DYNC2H1: variants seen among roughly 807,000 people sequenced by gnomAD.
The protein encoded by DYNC2H1 is cytoplasmic dynein 2 heavy chain 1.
In DYNC2H1, 410 loss-of-function variants were observed where a neutral mutation model predicts 570.0. That is an observed-to-expected ratio of 0.72 (90% CI 0.66 to 0.78). DYNC2H1 has a LOEUF of 0.78. DYNC2H1 is among the 30% of genes least tolerant of loss of function. The pLI, the probability that DYNC2H1 is intolerant of heterozygous loss-of-function variation, is 0.00. For missense variants in DYNC2H1, 4,865 were observed against 5,046.4 expected (o/e 0.96, Z 1.09); for synonymous variants, 1,688 against 1,677.6 (o/e 1.01, Z -0.15).
intron 85 of DYNC2H1, among the ~76,000 whole-genome samples, chr11:103,453,197 C>T (rs1193867932): frequency 6.6e-6 from 1 of 152,000 alleles, no homozygotes; most frequent in Non-Finnish European, 1.5e-5. Flanking sequence ...TTAAAAGGGG[C>T]ATAGCCCATA....
intron 34 of DYNC2H1, among the ~76,000 whole-genome samples, 193 bp from the exon 35 acceptor site, chr11:103,172,889 G>T (rs1008772286): frequency 2.0e-5 from 3 of 150,994 alleles, no homozygotes; most frequent in African/African-American, 7.3e-5. Flanking sequence ...CATATATTGA[G>T]TAAGGAGATG....
intron 82 of DYNC2H1, among the ~76,000 whole-genome samples, chr11:103,332,683 A>G (rs1294819932): frequency 6.6e-6 from 1 of 152,190 alleles, no homozygotes; most frequent in Non-Finnish European, 1.5e-5. Context: ...ATTCTAACTC[A>G]GCAAAATATC....
At chr11:103,138,493 CT>C (rs1859700784) in intron 17 of DYNC2H1, among the ~76,000 whole-genome samples, 1 of 152,136 alleles carries the variant, frequency 6.6e-6, no homozygotes, top group Non-Finnish European at 1.5e-5. Flanking sequence ...GTCTTTGGTT[CT>C]GTTTATATGC....
chr11:103,436,152 A>G (rs1373401761), intron 85 of DYNC2H1, 120 bp downstream of exon 85: 2 of 745,952 alleles, frequency 2.7e-6, no homozygotes, highest in Non-Finnish European at 4.1e-6. Flanking sequence ...AAAACATCAT[A>G]TATTCATTAT....
At chr11:103,426,475 TAAAC>T (rs1199359173) in intron 84 of DYNC2H1, among the ~76,000 whole-genome samples, 1 of 152,224 alleles carries the variant, frequency 6.6e-6, no homozygotes, top group Non-Finnish European at 1.5e-5. Flanking sequence ...ATTACAAATG[TAAAC>T]AAACTTTTGA....
intron 84 of DYNC2H1, among the ~76,000 whole-genome samples, chr11:103,424,268 T>A (rs112182173): frequency 6.6e-5 from 2 of 30,364 alleles, no homozygotes; most frequent in African/African-American, 5.6e-4. Flanking sequence ...AGTAAAAACA[T>A]TTTTTAAATC....
chr11:103,253,166 C>T, intron 65 of DYNC2H1, 119 bp from the exon 66 acceptor site: 1 of 1,000,548 alleles, frequency 1.0e-6, no homozygotes. Flanking sequence ...CCAACTTTTG[C>T]CGTCTTAGAC....
chr11:103,233,388 A>G (rs1864087669), intron 60 of DYNC2H1, among the ~76,000 whole-genome samples: 2 of 151,880 alleles, frequency 1.3e-5, no homozygotes, highest in Admixed American at 6.6e-5. Context: ...AAATATTACT[A>G]TTACATTTAA....
chr11:103,390,467 T>C (rs1942094465), intron 83 of DYNC2H1, among the ~76,000 whole-genome samples: 1 of 152,152 alleles, frequency 6.6e-6, no homozygotes, highest in South Asian at 2.1e-4. Flanking sequence ...CCAGTCTGTG[T>C]CTTTTAATTG....
chr11:103,255,913 T>C (rs1157467097), intron 67 of DYNC2H1, among the ~76,000 whole-genome samples, 193 bp from the exon 68 acceptor site: 2 of 152,078 alleles, frequency 1.3e-5, no homozygotes, highest in Non-Finnish European at 2.9e-5. Flanking sequence ...TAAAATAATT[T>C]ATGAATTCAT....
intron 60 of DYNC2H1, among the ~76,000 whole-genome samples, chr11:103,232,016 T>TA (rs1338107739): frequency 2.6e-5 from 4 of 152,096 alleles, no homozygotes; most frequent in African/African-American, 9.6e-5. Flanking sequence ...CCTGAACAAT[T>TA]ATGTTAGAAA....
rs1858103746 is a variant in DYNC2H1, at chr11:103,111,350, T to C, written c.195+1581T>C. Among the ~76,000 whole-genome samples the C allele has an allele frequency of 2.0e-5, 3 of 152,260 alleles. No individual in the cohort carries two copies. The South Asian group carries it at 6.2e-4, about 32-fold the overall frequency. On this transcript the variant is annotated intron_variant, in intron 1 of 88. Transcript: ENST00000375735. ...AGCACTGTTCTAAGTACTTTATATG[T>C]ATTCGTTCATTTAATAGCCATAACG... is the stretch of plus-strand genomic sequence containing the variant.
rs1293685542 is a variant in DYNC2H1, at chr11:103,161,000, G to T, written c.4447G>T (p.Val1483Phe). The part of the protein sequence containing the change: ...ITAMKSLEGE[V>F]VPFKNKVPLS... ...TGCAATGAAATCTTTAGAGGGAGAA[G>T]TTGTACCTTTTAAAAATAAAGTTCC... The change falls in exon 29 of 89, where the codon GTT becomes TTT. Residue 1483 changes from valine to phenylalanine, a missense_variant. Val to Phe is a conservative substitution (Grantham distance 50, BLOSUM62 -1). This residue lies in a region of DYNC2H1 where 1,936 missense variants were observed against 1,962.1 expected (regional missense o/e 0.99). Transcript: ENST00000375735. 2 of 1,554,728 alleles carry T rather than the reference G, an allele frequency of 1.3e-6. No individual in the cohort carries two copies. Among genetic ancestry groups the T allele is most frequent in the South Asian group, 1.3e-5 (1 of 77,596 alleles).
chr11:103,351,278 A>G lies in DYNC2H1; in HGVS notation c.12040-6965A>G, dbSNP rs1033386090. 2.6e-5 allele frequency among the ~76,000 whole-genome samples: 4 copies of G among 152,318 alleles called. No homozygotes were observed. The East Asian group carries it at 7.7e-4, about 29-fold the overall frequency. Reference sequence around the variant, plus strand: ...TGTCTACCAGATGCTAGCATGGTATATCAGGGTTAAGTCCGGAAAGTAAAC... The same window carrying G: ...TGTCTACCAGATGCTAGCATGGTATGTCAGGGTTAAGTCCGGAAAGTAAAC... On this transcript the variant is annotated intron_variant, in intron 82 of 88. Coordinates refer to ENST00000375735, the MANE Select transcript of DYNC2H1 (RefSeq NM_001377.3).
chr11:103,263,909 T>C (rs1291217531), intron 70 of DYNC2H1, among the ~76,000 whole-genome samples: 2 of 151,862 alleles, frequency 1.3e-5, no homozygotes, highest in East Asian at 1.9e-4. Context: ...AAAAAATCAA[T>C]GAATCCAGGA....
At position 103,116,608 on chromosome 11, in the gene DYNC2H1, T is replaced by G. The variant is rs941944167; in HGVS notation, c.660T>G (p.Val220=). The change falls in exon 5 of 89, where the codon GTT becomes GTG. Residue 220 remains valine, a synonymous_variant. Transcript: ENST00000375735. ...TGGACAGTCTATCCTTACTAGAAGT[T>G]GTTGACTTGGTGGAGACTACTCAGG... is the stretch of plus-strand genomic sequence containing the variant. The part of the protein sequence containing the change: ...YNLDSLSLLE[V]VDLVETTQDV... The G allele has an allele frequency of 6.2e-7, 1 of 1,608,326 alleles. No individual in the cohort carries two copies. The highest frequency in any genetic ancestry group is 1.3e-5 in the African/African-American group (1 of 74,852).
At chr11:103,274,061 T>C (rs1381158800) in intron 70 of DYNC2H1, among the ~76,000 whole-genome samples, 1 of 152,108 alleles carries the variant, frequency 6.6e-6, no homozygotes, top group Non-Finnish European at 1.5e-5. Flanking sequence ...TACATTGTTC[T>C]TCCTCAGTAC....
intron 36 of DYNC2H1, 79 bp downstream of exon 36, chr11:103,174,249 A>T: frequency 7.9e-7 from 1 of 1,259,338 alleles, no homozygotes; most frequent in Non-Finnish European, 1.1e-6. Flanking sequence ...AGATTTACAG[A>T]AAAGTTGTAG....
chr11:103,265,820 G>C (rs574660306), intron 70 of DYNC2H1, among the ~76,000 whole-genome samples: 1 of 152,242 alleles, frequency 6.6e-6, no homozygotes, highest in South Asian at 2.1e-4. Flanking sequence ...CTTTGAGGTT[G>C]CTCACCTTTC....
Sources: gnomAD v4.1 joint callset for allele counts (sites outside exome capture counted in the v4.1 genomes callset) on GRCh38, gnomAD v4.1.1 for gene constraint, gnomAD v4.1.1 regional missense constraint, MANE v1.5 for transcripts, NCBI Gene and HGNC (gene_info 2026-07-23, HGNC 2026-07-21) for gene names.